The following CAP2 variants were observed in gnomAD, a reference collection of about 807,000 sequenced individuals.
The protein encoded by CAP2 is cyclase associated actin cytoskeleton regulatory protein 2.
Under a neutral mutation model 57.7 loss-of-function variants are expected in CAP2, and 24 were observed. That is an observed-to-expected ratio of 0.42 (90% CI 0.30 to 0.58). CAP2 has a LOEUF of 0.58. CAP2 is among the 20% of genes least tolerant of loss of function. The pLI is 0.22. For missense variants in CAP2, 501 were observed against 590.3 expected (o/e 0.85, Z 1.57); for synonymous variants, 194 against 207.2 (o/e 0.94, Z 0.55).
At chr6:17,454,556 G>A (rs1390524450) in intron 3 of CAP2, among the ~76,000 whole-genome samples, 1 of 152,134 alleles carries the variant, frequency 6.6e-6, no homozygotes, top group African/African-American at 2.4e-5. Context: ...CCATTATCAT[G>A]GCTGCCCTGT....
At chr6:17,551,385 G>A in intron 11 of CAP2, 79 bp from the exon 12 acceptor site, 1 of 1,191,348 alleles carries the variant, frequency 8.4e-7, no homozygotes, top group Non-Finnish European at 1.2e-6. Flanking sequence ...AAGCCAAGAG[G>A]AATTGAGATT....
intron 4 of CAP2, among the ~76,000 whole-genome samples, chr6:17,480,118 G>T (rs1181451237): frequency 1.3e-5 from 2 of 151,912 alleles, no homozygotes; most frequent in African/African-American, 4.8e-5. Context: ...AACCAAACAA[G>T]CAGAAAACAA....
chr6:17,520,095 G>A (rs975875773), intron 7 of CAP2, among the ~76,000 whole-genome samples: 1 of 151,626 alleles, frequency 6.6e-6, no homozygotes, highest in African/African-American at 2.4e-5. Flanking sequence ...TTTTTTTGTT[G>A]TTACTGTTTT....
intron 7 of CAP2, among the ~76,000 whole-genome samples, chr6:17,525,865 G>A (rs76850767): frequency 0.012 from 1,880 of 152,270 alleles, 47 homozygotes; most frequent in African/African-American, 0.043. Context: ...TGCCTGCCAC[G>A]TCTGGGAACA....
intron 4 of CAP2, among the ~76,000 whole-genome samples, chr6:17,486,705 C>T (rs1247224333): frequency 1.3e-5 from 2 of 152,138 alleles, no homozygotes; most frequent in African/African-American, 4.8e-5. Context: ...CTCAAAATAC[C>T]ATTGATTAGA....
chr6:17,471,729 G>A (rs951461528), intron 4 of CAP2, among the ~76,000 whole-genome samples: 14 of 151,834 alleles, frequency 9.2e-5, no homozygotes, highest in Admixed American at 2.0e-4. Context: ...TACTCAGGAG[G>A]CTGAGGCAGG....
At chr6:17,511,515 G>A (rs983668843) in intron 6 of CAP2, among the ~76,000 whole-genome samples, 3 of 152,016 alleles carry the variant, frequency 2.0e-5, no homozygotes, top group Non-Finnish European at 4.4e-5. Flanking sequence ...GCAGTGACAC[G>A]ATCTCAGCTC....
chr6:17,539,177 C>G (rs1174860437), intron 7 of CAP2, 92 bp from the exon 8 acceptor site: 4 of 1,190,654 alleles, frequency 3.4e-6, no homozygotes, highest in East Asian at 4.7e-5. Flanking sequence ...ACCCCACTCT[C>G]TCATTGGCAG....
intron 7 of CAP2, among the ~76,000 whole-genome samples, chr6:17,514,436 C>T (rs1049295582): frequency 5.3e-5 from 8 of 151,330 alleles, no homozygotes; most frequent in Non-Finnish European, 1.0e-4. Flanking sequence ...CCCTACATAA[C>T]ATAGAAAAGA....
At chr6:17,418,397 G>A (rs1340175182) in intron 1 of CAP2, among the ~76,000 whole-genome samples, 1 of 152,182 alleles carries the variant, frequency 6.6e-6, no homozygotes, top group Non-Finnish European at 1.5e-5. Context: ...GATTTTACAT[G>A]GAGTGACATC....
intron 3 of CAP2, among the ~76,000 whole-genome samples, chr6:17,448,893 C>T (rs1286675631): frequency 6.6e-6 from 1 of 152,002 alleles, no homozygotes; most frequent in African/African-American, 2.4e-5. Flanking sequence ...TTCCGAGGAC[C>T]TGGGATTACA....
At chr6:17,439,454 A>C (rs1760005840) in intron 3 of CAP2, among the ~76,000 whole-genome samples, 1 of 151,504 alleles carries the variant, frequency 6.6e-6, no homozygotes, top group Non-Finnish European at 1.5e-5. Context: ...GATTTAGAGC[A>C]GCAGTAGTCA....
At chr6:17,507,068 G>A (rs989731357) in intron 4 of CAP2, 101 bp from the exon 5 acceptor site, 2 of 1,137,382 alleles carry the variant, frequency 1.8e-6, no homozygotes, top group Non-Finnish European at 2.6e-6. Context: ...CCCCTTAACA[G>A]ACGGCAGGTC....
Position 17,556,706 on chromosome 6 carries a change from A to G in CAP2, c.*264A>G, listed in dbSNP as rs80259759. Reference sequence around the variant, plus strand: ...TTAGGGATTTAAAGGAAAAAAAAAAAGAATTCTGTTCCCCTCATATCATGA... The same window carrying G: ...TTAGGGATTTAAAGGAAAAAAAAAAGGAATTCTGTTCCCCTCATATCATGA... On this transcript the variant is annotated 3_prime_UTR_variant, in exon 13 of 13. Coordinates refer to ENST00000229922, the MANE Select transcript of CAP2 (RefSeq NM_006366.3). 5 of 429,984 alleles carry G rather than the reference A, an allele frequency of 1.2e-5. No individual in the cohort carries two copies. The East Asian group carries it at 1.8e-4, about 16-fold the overall frequency. 26.6% of individuals were successfully genotyped at this position (429,984 alleles called of 1,614,324 possible).
chr6:17,425,466 C>T (rs978830939), intron 2 of CAP2, among the ~76,000 whole-genome samples: 10 of 152,192 alleles, frequency 6.6e-5, no homozygotes, highest in South Asian at 2.1e-4. Flanking sequence ...CTTTCTTTTC[C>T]TCCTTGCCCA....
In CAP2 at chr6:17,557,390, G is replaced by T. The variant is rs752865049; in HGVS notation, c.*948G>T. 2.6e-5 allele frequency: 4 copies of T among 152,048 alleles called. No individual in the cohort carries two copies. Among genetic ancestry groups the T allele is most frequent in the African/African-American group, 4.8e-5 (2 of 41,402 alleles). 9.4% of individuals were successfully genotyped at this position (152,048 alleles called of 1,614,324 possible). ...TGTATTATTTCTCCTAAAACCTAAG[G>T]CATTATCTGTTGGTTTGGCTTGCTG... On this transcript the variant is annotated 3_prime_UTR_variant, in exon 13 of 13. Coordinates refer to ENST00000229922, the MANE Select transcript of CAP2 (RefSeq NM_006366.3).
In CAP2 at chr6:17,424,345, A is replaced by T. The variant is rs969711139; in HGVS notation, c.122-2245A>T. The stretch of plus-strand genomic sequence containing the variant: ...AACCCGGGAGGCGGAGCTTGCAGTG[A>T]GCCGAGATCGCGCCACTGCACTCCA... On this transcript the variant is annotated intron_variant, in intron 2 of 12. Transcript: ENST00000229922. Among the ~76,000 whole-genome samples, 5 of 152,176 alleles carry T rather than the reference A, an allele frequency of 3.3e-5. No individual in the cohort carries two copies. In the East Asian group the frequency reaches 9.6e-4, roughly 29 times the overall value.
chr6:17,473,095 G>T (rs1334319734), intron 4 of CAP2, among the ~76,000 whole-genome samples: 2 of 151,484 alleles, frequency 1.3e-5, no homozygotes, highest in South Asian at 2.1e-4. Flanking sequence ...TATAAGACAT[G>T]AATTAGATAA....
intron 4 of CAP2, among the ~76,000 whole-genome samples, chr6:17,486,017 C>CTATAATA (rs1203434598): frequency 1.4e-4 from 22 of 152,332 alleles, no homozygotes; most frequent in Admixed American, 1.4e-3. Context: ...CAACAATCAC[C>CTATAATA]TATAATATAT....
Sources: allele counts gnomAD v4.1 joint callset (sites outside exome capture counted in the v4.1 genomes callset), GRCh38; gene constraint gnomAD v4.1.1; transcripts MANE v1.5; gene names NCBI Gene and HGNC (gene_info 2026-07-23, HGNC 2026-07-21).